ANO10: variants seen among roughly 807,000 people sequenced by gnomAD.
The protein encoded by ANO10 is anoctamin-10.
A neutral mutation model predicts 74.7 loss-of-function variants in ANO10; 77 were observed. That is an observed-to-expected ratio of 1.03 (90% CI 0.86 to 1.25). ANO10 has a LOEUF of 1.25. Among genes scored for constraint, ANO10 ranks in the 50% most tolerant of loss-of-function variants. ANO10 has a pLI of 0.00. For missense variants in ANO10, 721 were observed against 778.1 expected (o/e 0.93, Z 0.87); for synonymous variants, 279 against 284.9 (o/e 0.98, Z 0.21).
intron 12 of ANO10, 40 bp from the exon 13 acceptor site, chr3:43,367,014 C>T (rs1416213968): frequency 6.4e-7 from 1 of 1,562,038 alleles, no homozygotes; most frequent in East Asian, 2.3e-5. Context: ...GCCACAGAAG[C>T]CTAAGTAGTG....
chr3:43,629,692 G>A (rs1003453729), intron 1 of ANO10, among the ~76,000 whole-genome samples: 1 of 152,166 alleles, frequency 6.6e-6, no homozygotes, highest in African/African-American at 2.4e-5. Context: ...GATGACATAT[G>A]AGATGTAAAG....
intron 12 of ANO10, among the ~76,000 whole-genome samples, chr3:43,428,056 CT>C (rs879844893): frequency 5.3e-4 from 77 of 145,530 alleles, no homozygotes; most frequent in Admixed American, 6.2e-4. Flanking sequence ...TACCCTGAAC[CT>C]TTTTTTTTTT....
At chr3:43,389,626 TC>T (rs2092222372) in intron 12 of ANO10, among the ~76,000 whole-genome samples, 2 of 152,200 alleles carry the variant, frequency 1.3e-5, no homozygotes, top group Non-Finnish European at 2.9e-5. Context: ...AACCAAGCAT[TC>T]CAGATAAGTA....
chr3:43,517,892 A>G (rs188460617), intron 11 of ANO10, among the ~76,000 whole-genome samples: 120 of 152,222 alleles, frequency 7.9e-4, no homozygotes, highest in African/African-American at 2.6e-3. Flanking sequence ...AACACCTTCC[A>G]TTTCTGTGCT....
chr3:43,687,298 T>C (rs529281966), intron 1 of ANO10, among the ~76,000 whole-genome samples: 3 of 152,324 alleles, frequency 2.0e-5, no homozygotes, highest in South Asian at 2.1e-4. Context: ...AGCCAGGCCA[T>C]TGAAGCCCTC....
intron 11 of ANO10, among the ~76,000 whole-genome samples, chr3:43,465,528 C>T (rs1487910539): frequency 6.6e-6 from 1 of 152,104 alleles, no homozygotes; most frequent in Admixed American, 6.6e-5. Flanking sequence ...GTGGCAGGCA[C>T]CTGTAATCTC....
At chr3:43,604,178 G>A (rs1036923846) in intron 2 of ANO10, among the ~76,000 whole-genome samples, 1 of 151,868 alleles carries the variant, frequency 6.6e-6, no homozygotes, top group Non-Finnish European at 1.5e-5. Flanking sequence ...GATCAGGGTA[G>A]TTAGCATACC....
intron 12 of ANO10, among the ~76,000 whole-genome samples, chr3:43,383,915 C>A (rs2092043756): frequency 6.6e-6 from 1 of 152,054 alleles, no homozygotes; most frequent in African/African-American, 2.4e-5. Flanking sequence ...GAAGTCCTAG[C>A]CAGAGCAATC....
At position 43,549,108 on chromosome 3, in the gene ANO10, AT is replaced by A. The variant is rs10662466; in HGVS notation, c.1797+611del. Among the ~76,000 whole-genome samples, 134 of 150,294 alleles carry A rather than the reference AT, an allele frequency of 8.9e-4. 1 individual carries two copies. Among genetic ancestry groups the A allele is most frequent in the Non-Finnish European group, 1.7e-3 (117 of 67,518 alleles). On this transcript the variant is annotated intron_variant, in intron 11 of 12. Coordinates refer to ENST00000292246, the MANE Select transcript of ANO10 (RefSeq NM_018075.5). ...TGTATGGAATTTGATTTTGAATAGGATTTTTTTTTTAAGGGACAGTGTCTCG... is the reference window on the plus strand; with the variant it reads ...TGTATGGAATTTGATTTTGAATAGGATTTTTTTTTAAGGGACAGTGTCTCG...
intron 12 of ANO10, among the ~76,000 whole-genome samples, chr3:43,427,686 C>T (rs148945796): frequency 1.3e-3 from 194 of 152,244 alleles, no homozygotes; most frequent in African/African-American, 4.3e-3. Flanking sequence ...GCTTTTGTTA[C>T]GTGGGAGGAG....
chr3:43,645,881 C>T (rs2083721200), intron 1 of ANO10, among the ~76,000 whole-genome samples: 1 of 152,134 alleles, frequency 6.6e-6, no homozygotes, highest in Non-Finnish European at 1.5e-5. Flanking sequence ...GATCTGGGCT[C>T]ACTGCAGCCT....
intron 12 of ANO10, among the ~76,000 whole-genome samples, chr3:43,426,927 A>T (rs560317364): frequency 6.6e-6 from 1 of 152,326 alleles, no homozygotes; most frequent in East Asian, 1.9e-4. Flanking sequence ...GTACCAAAAA[A>T]GATCTGTTTT....
chr3:43,528,675 AG>A (rs1158352033), intron 11 of ANO10, among the ~76,000 whole-genome samples: 3 of 152,222 alleles, frequency 2.0e-5, no homozygotes, highest in African/African-American at 7.2e-5. Context: ...AAAAATGACA[AG>A]GAAGACAGGC....
chr3:43,405,850 T>C (rs2092566960), intron 12 of ANO10, among the ~76,000 whole-genome samples: 2 of 152,194 alleles, frequency 1.3e-5, no homozygotes, highest in Admixed American at 1.3e-4. Flanking sequence ...CAAATGAATC[T>C]CATATTGCTA....
At chr3:43,584,490 CG>C (rs2081390855) in intron 4 of ANO10, among the ~76,000 whole-genome samples, 2 of 152,130 alleles carry the variant, frequency 1.3e-5, no homozygotes, top group South Asian at 4.1e-4. Flanking sequence ...TGGGAGCCAC[CG>C]GACTAAGCAG....
chr3:43,642,304 C>T (rs1194154123), intron 1 of ANO10, among the ~76,000 whole-genome samples: 1 of 152,128 alleles, frequency 6.6e-6, no homozygotes, highest in Non-Finnish European at 1.5e-5. Flanking sequence ...TATAGTGTTT[C>T]TTTCCTCCTA....
intron 11 of ANO10, among the ~76,000 whole-genome samples, chr3:43,466,449 G>A (rs1367159401): frequency 5.4e-5 from 8 of 148,248 alleles, no homozygotes; most frequent in Non-Finnish European, 7.4e-5. Context: ...ATATAATAGA[G>A]TCCTGAAATT....
chr3:43,443,155 C>T (rs2148970659), intron 11 of ANO10, among the ~76,000 whole-genome samples: 2 of 152,304 alleles, frequency 1.3e-5, no homozygotes, highest in East Asian at 1.9e-4. Flanking sequence ...AGGATCCACA[C>T]AGGGAATGAC....
chr3:43,527,003 CAT>C (rs201454114), intron 11 of ANO10, among the ~76,000 whole-genome samples: 1,745 of 49,576 alleles, frequency 0.035, 14 homozygotes, highest in African/African-American at 0.037. Context: ...TACAATGGTA[CAT>C]ATATATATAT....
Sources: allele counts gnomAD v4.1 joint callset (sites outside exome capture counted in the v4.1 genomes callset), GRCh38; gene constraint gnomAD v4.1.1; transcripts MANE v1.5; gene names NCBI Gene and HGNC (gene_info 2026-07-23, HGNC 2026-07-21).